Variants in SLC24A2 observed in about 807,000 individuals in gnomAD.
SLC24A2 encodes the protein sodium/potassium/calcium exchanger 2.
Under a neutral mutation model 62.0 loss-of-function variants are expected in SLC24A2, and 36 were observed. That is an observed-to-expected ratio of 0.58 (90% CI 0.44 to 0.77). The LOEUF (loss-of-function observed/expected upper bound fraction) is 0.77. Among genes scored for constraint, SLC24A2 ranks in the 30% least tolerant of loss-of-function variants. The pLI is 0.00. For synonymous variants in SLC24A2, 358 were observed against 294.0 expected (o/e 1.22, Z -2.23); for missense variants, 846 against 817.9 (o/e 1.03, Z -0.42).
the SLC24A2 span, among the ~76,000 whole-genome samples, chr9:20,158,972 G>A: frequency 2.6e-5 from 4 of 151,602 alleles, no homozygotes; most frequent in African/African-American, 9.7e-5. Context: ...AATATCCTCA[G>A]AGATCTTCAG....
the SLC24A2 span, among the ~76,000 whole-genome samples, chr9:19,848,204 A>G: frequency 3.9e-5 from 6 of 152,220 alleles, no homozygotes; most frequent in Non-Finnish European, 5.9e-5. Flanking sequence ...TCACCAACCA[A>G]AAATAAGCAT....
chr9:19,664,794 GCC>G (rs1819201484), intron 2 of SLC24A2, among the ~76,000 whole-genome samples: 1 of 152,132 alleles, frequency 6.6e-6, no homozygotes, highest in Non-Finnish European at 1.5e-5. Context: ...ACAGCTGCAA[GCC>G]AAGGAATGCC....
At chr9:19,659,945 C>T (rs1319431951) in intron 2 of SLC24A2, among the ~76,000 whole-genome samples, 2 of 152,128 alleles carry the variant, frequency 1.3e-5, no homozygotes, top group Non-Finnish European at 2.9e-5. Context: ...TGGACAGTAC[C>T]CTCATTTTTA....
At chr9:19,551,238 G>A (rs1239624605) in intron 7 of SLC24A2, among the ~76,000 whole-genome samples, 2 of 152,308 alleles carry the variant, frequency 1.3e-5, no homozygotes, top group Non-Finnish European at 2.9e-5. Flanking sequence ...ATATGTCTCA[G>A]TCCTCAGAAA....
chr9:20,038,582 T>C, the SLC24A2 span, among the ~76,000 whole-genome samples: 1 of 137,898 alleles, frequency 7.3e-6, no homozygotes, highest in African/African-American at 2.8e-5. Context: ...TCTCCCATCC[T>C]CTCCCTTTCT....
chr9:19,819,379 G>A, the SLC24A2 span, among the ~76,000 whole-genome samples: 80 of 152,146 alleles, frequency 5.3e-4, no homozygotes, highest in Admixed American at 1.6e-3. Flanking sequence ...GCTTTTGCAC[G>A]GCAAAGGGAA....
chr9:20,252,482 A>G, the SLC24A2 span, among the ~76,000 whole-genome samples: 2 of 152,160 alleles, frequency 1.3e-5, no homozygotes, highest in African/African-American at 4.8e-5. Flanking sequence ...TAGTCTTTCT[A>G]CTACACCACG....
chr9:20,226,955 C>A, the SLC24A2 span, among the ~76,000 whole-genome samples: 1 of 152,164 alleles, frequency 6.6e-6, no homozygotes, highest in Non-Finnish European at 1.5e-5. Context: ...CAGGGAGGAA[C>A]CTAATGGTAA....
Position 19,516,309 on chromosome 9 carries a change from GAGA to G in SLC24A2, c.1827_1829del (p.Leu610del). The G allele has an allele frequency of 1.2e-6, 2 of 1,614,194 alleles. No individual in the cohort carries two copies. On this transcript the variant is annotated inframe_deletion, in exon 11 of 11. Transcript: ENST00000341998. ...GGATGACGAAGAGCAGCATGATGAA[GAGA>G]AGGACGATGGCACAGAAAAGGCCAT... is the stretch of plus-strand genomic sequence containing the variant.
the SLC24A2 span, among the ~76,000 whole-genome samples, chr9:19,816,706 G>A: frequency 6.6e-6 from 1 of 152,018 alleles, no homozygotes; most frequent in Non-Finnish European, 1.5e-5. Context: ...ATATCACATG[G>A]CAGGAGCAGG....
the SLC24A2 span, among the ~76,000 whole-genome samples, chr9:20,306,332 C>T: frequency 5.3e-5 from 8 of 152,176 alleles, no homozygotes; most frequent in African/African-American, 1.9e-4. Context: ...ACAACAACAA[C>T]AACAACAAAA....
the SLC24A2 span, among the ~76,000 whole-genome samples, chr9:19,990,386 T>A: frequency 6.6e-6 from 1 of 151,746 alleles, no homozygotes; most frequent in Non-Finnish European, 1.5e-5. Flanking sequence ...CCAAGGTGGG[T>A]GGATCACGAG....
the SLC24A2 span, among the ~76,000 whole-genome samples, chr9:19,838,567 A>T: frequency 6.6e-6 from 1 of 151,548 alleles, no homozygotes; most frequent in Non-Finnish European, 1.5e-5. Flanking sequence ...TGAACTTGGG[A>T]GGCGGAAGTT....
chr9:20,024,749 C>T, the SLC24A2 span, among the ~76,000 whole-genome samples: 2 of 151,872 alleles, frequency 1.3e-5, no homozygotes, highest in African/African-American at 4.8e-5. Flanking sequence ...ACTACAAAGT[C>T]GGGGTGAGGT....
the SLC24A2 span, among the ~76,000 whole-genome samples, chr9:20,112,660 G>A: frequency 0.015 from 2,217 of 152,210 alleles, 76 homozygotes; most frequent in African/African-American, 0.051. Flanking sequence ...GCCCTGCCTA[G>A]ATGGACATTC....
the SLC24A2 span, among the ~76,000 whole-genome samples, chr9:20,211,569 G>C: frequency 1.3e-5 from 2 of 152,128 alleles, no homozygotes; most frequent in Non-Finnish European, 2.9e-5. Flanking sequence ...GAGACTTGGA[G>C]TATTGAAATC....
At chr9:20,198,535 C>T in the SLC24A2 span, among the ~76,000 whole-genome samples, 1 of 152,190 alleles carries the variant, frequency 6.6e-6, no homozygotes, top group South Asian at 2.1e-4. Context: ...GTCCAGCAGG[C>T]TCATCCCAAT....
chr9:20,221,070 GC>G, the SLC24A2 span, among the ~76,000 whole-genome samples: 77 of 152,202 alleles, frequency 5.1e-4, 1 homozygote, highest in African/African-American at 1.8e-3. Flanking sequence ...TATCACCAGA[GC>G]TTATAGAGTG....
intron 2 of SLC24A2, among the ~76,000 whole-genome samples, chr9:19,700,150 G>A (rs940469486): frequency 3.9e-5 from 6 of 152,184 alleles, no homozygotes; most frequent in African/African-American, 1.4e-4. Flanking sequence ...ATAAGACAGA[G>A]AACACACTCA....
Sources: gnomAD v4.1 joint callset for allele counts (sites outside exome capture counted in the v4.1 genomes callset) on GRCh38, gnomAD v4.1.1 for gene constraint, MANE v1.5 for transcripts, NCBI Gene and HGNC (gene_info 2026-07-23, HGNC 2026-07-21) for gene names.